The following CCNJL variants were observed in gnomAD, a reference collection of about 807,000 sequenced individuals.
CCNJL encodes the protein cyclin J like.
A neutral mutation model predicts 33.4 loss-of-function variants in CCNJL; 33 were observed. The ratio of observed to expected loss-of-function variants is 0.99; its 90% confidence interval spans 0.75 to 1.32. The LOEUF (loss-of-function observed/expected upper bound fraction) is 1.32. CCNJL is among the 40% of genes most tolerant of loss of function. CCNJL has a pLI of 0.00. For synonymous variants in CCNJL, 227 were observed against 220.9 expected (o/e 1.03, Z -0.24); for missense variants, 512 against 499.7 (o/e 1.02, Z -0.23).
intron 3 of CCNJL, among the ~76,000 whole-genome samples, chr5:160,275,982 C>A (rs1394567934): frequency 6.6e-6 from 1 of 152,216 alleles, no homozygotes; most frequent in Non-Finnish European, 1.5e-5. Context: ...AACTGGTACC[C>A]AAATATTCAC....
intron 1 of CCNJL, among the ~76,000 whole-genome samples, chr5:160,320,863 T>TTCTTTCTC (rs1561812579): frequency 7.1e-6 from 1 of 141,228 alleles, no homozygotes; most frequent in African/African-American, 2.7e-5. Flanking sequence ...CTTTCTTTCT[T>TTCTTTCTC]TCTTTCTCTC....
intron 2 of CCNJL, among the ~76,000 whole-genome samples, chr5:160,298,436 T>A (rs1378084917): frequency 6.6e-6 from 1 of 151,916 alleles, no homozygotes; most frequent in Non-Finnish European, 1.5e-5. Context: ...TTCAGTCAGA[T>A]AAGGTGTCAG....
chr5:160,295,623 G>A (rs1762728680), intron 2 of CCNJL, among the ~76,000 whole-genome samples: 1 of 152,172 alleles, frequency 6.6e-6, no homozygotes, highest in Admixed American at 6.5e-5. Context: ...GAGACACAGA[G>A]GGAAGACGAG....
At chr5:160,291,561 C>T (rs1163059021) in intron 2 of CCNJL, among the ~76,000 whole-genome samples, 1 of 152,180 alleles carries the variant, frequency 6.6e-6, no homozygotes, top group Non-Finnish European at 1.5e-5. Flanking sequence ...GGAAAAGGTG[C>T]CTGAGGGTGC....
chr5:160,292,040 C>A (rs551083504), intron 2 of CCNJL, among the ~76,000 whole-genome samples: 3 of 152,254 alleles, frequency 2.0e-5, no homozygotes, highest in Middle Eastern at 3.4e-3. Context: ...CAAGCCTGGG[C>A]ATCACAGTAA....
intron 1 of CCNJL, among the ~76,000 whole-genome samples, chr5:160,318,437 T>G (rs773158353): frequency 6.6e-6 from 1 of 152,264 alleles, no homozygotes; most frequent in African/African-American, 2.4e-5. Context: ...CATTGTGAGC[T>G]ACTGAGGGTT....
chr5:160,308,647 A>G (rs549827334), intron 2 of CCNJL, among the ~76,000 whole-genome samples: 5 of 152,332 alleles, frequency 3.3e-5, no homozygotes, highest in African/African-American at 1.2e-4. Flanking sequence ...AATCCCAGCT[A>G]CTCAGGAGGC....
chr5:160,267,865 C>G (rs535961571), intron 3 of CCNJL, among the ~76,000 whole-genome samples: 1 of 152,316 alleles, frequency 6.6e-6, no homozygotes, highest in African/African-American at 2.4e-5. Flanking sequence ...CTTGGCCCTT[C>G]CACAAATTCT....
intron 3 of CCNJL, among the ~76,000 whole-genome samples, chr5:160,262,321 C>A (rs1045890954): frequency 1.3e-5 from 2 of 152,312 alleles, no homozygotes; most frequent in African/African-American, 2.4e-5. Context: ...CCTTTCAGAG[C>A]TCTGCTACCA....
At chr5:160,291,036 TAAAAAAAAAAAA>T (rs1177369719) in intron 2 of CCNJL, among the ~76,000 whole-genome samples, 5 of 57,542 alleles carry the variant, frequency 8.7e-5, no homozygotes, top group African/African-American at 2.6e-4. Context: ...CGTCTTTACT[TAAAAAAAAAAAA>T]AAAAAAAAAA....
At chr5:160,262,679 GAA>G (rs887447858) in intron 3 of CCNJL, among the ~76,000 whole-genome samples, 2 of 152,220 alleles carry the variant, frequency 1.3e-5, no homozygotes, top group Non-Finnish European at 2.9e-5. Context: ...GAGGCTCAGA[GAA>G]AAAGCTGATG....
At chr5:160,331,420 T>C (rs1581024051) in intron 1 of CCNJL, among the ~76,000 whole-genome samples, 3 of 151,926 alleles carry the variant, frequency 2.0e-5, no homozygotes. Flanking sequence ...GGGACAGGGT[T>C]TCACTGTGTT....
At chr5:160,302,896 CTG>C (rs1762968112) in intron 2 of CCNJL, among the ~76,000 whole-genome samples, 1 of 152,116 alleles carries the variant, frequency 6.6e-6, no homozygotes, top group Non-Finnish European at 1.5e-5. Flanking sequence ...TACTACCTCT[CTG>C]TCAAAGCATA....
chr5:160,311,175 G>T (rs1581013593), intron 2 of CCNJL, among the ~76,000 whole-genome samples: 2 of 152,058 alleles, frequency 1.3e-5, no homozygotes, highest in African/African-American at 4.8e-5. Context: ...GGGTGTGCAG[G>T]GATCACATTT....
At chr5:160,290,089 G>T (rs1762533786) in intron 2 of CCNJL, among the ~76,000 whole-genome samples, 1 of 152,190 alleles carries the variant, frequency 6.6e-6, no homozygotes, top group South Asian at 2.1e-4. Context: ...CTTGTACTAT[G>T]AAAGTTCCGC....
At chr5:160,259,416 C>T in intron 4 of CCNJL, 53 bp downstream of exon 4, 7 of 1,549,890 alleles carry the variant, frequency 4.5e-6, no homozygotes, top group Non-Finnish European at 6.1e-6. Flanking sequence ...GACCCCGACC[C>T]CTGGGTGGTG....
At chr5:160,331,509 C>T (rs1450284473) in intron 1 of CCNJL, among the ~76,000 whole-genome samples, 22 of 152,182 alleles carry the variant, frequency 1.4e-4, no homozygotes, top group Non-Finnish European at 1.5e-5. Context: ...CAGGCGTGAG[C>T]CACCGTGCCC....
At chr5:160,334,766 A>G (rs1212804532) in intron 1 of CCNJL, among the ~76,000 whole-genome samples, 1 of 152,240 alleles carries the variant, frequency 6.6e-6, no homozygotes, top group African/African-American at 2.4e-5. Context: ...GAGACCTGGC[A>G]TCAGATCCAC....
At chr5:160,305,767 A>T (rs1763076297) in intron 2 of CCNJL, among the ~76,000 whole-genome samples, 1 of 152,202 alleles carries the variant, frequency 6.6e-6, no homozygotes, top group South Asian at 2.1e-4. Context: ...TCTTGTCTGT[A>T]AACTGGGGTT....
Sources: allele counts gnomAD v4.1 joint callset (sites outside exome capture counted in the v4.1 genomes callset), GRCh38; gene constraint gnomAD v4.1.1; transcripts MANE v1.5; gene names NCBI Gene and HGNC (gene_info 2026-07-23, HGNC 2026-07-21).